The following KLHL20 variants were observed in gnomAD, a reference collection of about 807,000 sequenced individuals.
The protein encoded by KLHL20 is kelch-like protein 20.
A neutral mutation model predicts 69.5 loss-of-function variants in KLHL20; 29 were observed. The ratio of observed to expected loss-of-function variants is 0.42; its 90% CI spans 0.31 to 0.57. The LOEUF (loss-of-function observed/expected upper bound fraction) is 0.57. KLHL20 is among the 20% of genes least tolerant of loss of function. KLHL20 has a pLI of 0.18. For missense variants in KLHL20, 419 were observed against 776.0 expected (o/e 0.54, Z 5.47); for synonymous variants, 253 against 265.2 (o/e 0.95, Z 0.45).
intron 2 of KLHL20, among the ~76,000 whole-genome samples, chr1:173,728,863 G>T (rs920219889): frequency 6.6e-6 from 1 of 152,142 alleles, no homozygotes; most frequent in Non-Finnish European, 1.5e-5. Context: ...CAGAAGGCAA[G>T]AAATAACTAA....
In KLHL20 at chr1:173,728,968, G is replaced by C. The variant is rs902510450; in HGVS notation, c.24-4745G>C. Among the ~76,000 whole-genome samples the C allele has an allele frequency of 5.1e-4, 77 of 152,158 alleles. 2 individuals carry two copies. The highest frequency in any genetic ancestry group is 6.8e-3 in the Middle Eastern group (2 of 294). On this transcript the variant is annotated intron_variant, in intron 2 of 11. Transcript: ENST00000209884. The stretch of plus-strand genomic sequence containing the variant: ...GTTTTTTGAAAAGATCAACAAAATT[G>C]ATAGACCGCTAGCAAGACTAATAAA...
intron 3 of KLHL20, 119 bp downstream of exon 3, chr1:173,734,405 A>C (rs1466381269): frequency 1.2e-6 from 1 of 859,888 alleles, no homozygotes; most frequent in Non-Finnish European, 1.9e-6. Context: ...ATAGCAAATA[A>C]ATAAGTTATT....
At chr1:173,756,876 T>A in intron 6 of KLHL20, 100 bp from the exon 7 acceptor site, 2 of 1,061,180 alleles carry the variant, frequency 1.9e-6, no homozygotes, top group Non-Finnish European at 2.7e-6. Context: ...CTAGAGACAT[T>A]TGGTGAGTCT....
chr1:173,784,314 G>A (rs1649069748), intron 11 of KLHL20, among the ~76,000 whole-genome samples: 1 of 152,208 alleles, frequency 6.6e-6, no homozygotes, highest in Non-Finnish European at 1.5e-5. Context: ...GGTAATGGCA[G>A]CTTTGGGCCT....
intron 7 of KLHL20, among the ~76,000 whole-genome samples, chr1:173,764,748 G>T (rs1647571088): frequency 6.6e-6 from 1 of 151,884 alleles, no homozygotes; most frequent in Admixed American, 6.6e-5. Flanking sequence ...GGGGGTCAAG[G>T]GATAAAAGAC....
intron 10 of KLHL20, among the ~76,000 whole-genome samples, chr1:173,780,428 C>T (rs928015285): frequency 4.6e-5 from 7 of 152,154 alleles, no homozygotes; most frequent in African/African-American, 1.4e-4. Context: ...CTACCAAAGA[C>T]AGTCACATGT....
intron 2 of KLHL20, among the ~76,000 whole-genome samples, chr1:173,727,490 C>A (rs1467819254): frequency 6.6e-6 from 1 of 152,068 alleles, no homozygotes; most frequent in Non-Finnish European, 1.5e-5. Flanking sequence ...ATGTTAAGGG[C>A]AGCCAGAGAG....
At chr1:173,723,326 TC>T (rs546412202) in intron 2 of KLHL20, among the ~76,000 whole-genome samples, 132 of 152,370 alleles carry the variant, frequency 8.7e-4, no homozygotes, top group Non-Finnish European at 1.6e-3. Context: ...TAAAAATTAT[TC>T]TTTAACTGCT....
At position 173,732,542 on chromosome 1, in the gene KLHL20, A is replaced by G. The variant is rs761989664; in HGVS notation, c.24-1171A>G. On this transcript the variant is annotated intron_variant, in intron 2 of 11. Coordinates refer to ENST00000209884, the MANE Select transcript of KLHL20 (RefSeq NM_014458.4). ...AAATTTGTGTGTGTACATACACACA[A>G]TTGAACATGCTTAACTAAATGAAAT... is the stretch of plus-strand genomic sequence containing the variant. Among the ~76,000 whole-genome samples the G allele has an allele frequency of 2.6e-5, 4 of 152,310 alleles. No individual in the cohort carries two copies. The East Asian group carries it at 7.7e-4, about 29-fold the overall frequency.
At chr1:173,774,562 C>A in intron 9 of KLHL20, 124 bp downstream of exon 9, 1 of 1,070,212 alleles carries the variant, frequency 9.3e-7, no homozygotes, top group Non-Finnish European at 1.4e-6. Context: ...CCTGATTTTT[C>A]CCTCCAGCAG....
Position 173,734,284 on chromosome 1 carries a change from G to C in KLHL20, c.595G>C (p.Glu199Gln). The change falls in exon 3 of 12, where the codon GAG becomes CAG. Residue 199 changes from glutamate to glutamine, a missense_variant and splice_region_variant. Physicochemically the swap from Glu to Gln is conservative, Grantham distance 29. Around this residue, in one of 6 missense-constraint regions of KLHL20, gnomAD observed 99 missense variants for 240.7 expected, o/e 0.41. Coordinates refer to ENST00000209884, the MANE Select transcript of KLHL20 (RefSeq NM_014458.4). ...ADKFTQHNFQ[E>Q]VMESEEFMLL... is the part of the protein sequence containing the mutation. ...CAAGTTCACCCAACATAACTTTCAA[G>C]AGGTGAGTTGCACTTGGTGTTCCAA... 4 of 1,614,108 alleles carry C rather than the reference G, an allele frequency of 2.5e-6. No homozygotes were observed. Among genetic ancestry groups the C allele is most frequent in the Non-Finnish European group, 2.5e-6 (3 of 1,179,978 alleles).
chr1:173,751,072 C>T (rs1468335070), intron 3 of KLHL20, among the ~76,000 whole-genome samples: 1 of 152,134 alleles, frequency 6.6e-6, no homozygotes, highest in African/African-American at 2.4e-5. Flanking sequence ...GTAGGAGTGA[C>T]TGTTTCTTTC....
intron 2 of KLHL20, among the ~76,000 whole-genome samples, chr1:173,724,728 C>T (rs1217747126): frequency 6.6e-6 from 1 of 152,072 alleles, no homozygotes; most frequent in Non-Finnish European, 1.5e-5. Context: ...TCAGTTGAGC[C>T]TAGGAGGTCG....
chr1:173,732,388 C>G (rs1352293262), intron 2 of KLHL20, among the ~76,000 whole-genome samples: 1 of 152,104 alleles, frequency 6.6e-6, no homozygotes, highest in Admixed American at 6.5e-5. Context: ...GAGAGAGATT[C>G]TTTTCCTTCT....
intron 5 of KLHL20, among the ~76,000 whole-genome samples, chr1:173,754,584 C>CAAAAAAAAAAAAAAAAAAA (rs576521460): frequency 1.7e-5 from 1 of 60,594 alleles, no homozygotes; most frequent in African/African-American, 4.5e-5. Context: ...AACTCAGTCT[C>CAAAAAAAAAAAAAAAAAAA]AAAAAAAAAA....
At chr1:173,774,999 TG>T (rs1270410595) in intron 9 of KLHL20, among the ~76,000 whole-genome samples, 2 of 152,010 alleles carry the variant, frequency 1.3e-5, no homozygotes, top group African/African-American at 4.8e-5. Context: ...TTAGTAGAGA[TG>T]GGGTTTCGCT....
chr1:173,749,666 C>G (rs1020034675), intron 3 of KLHL20, among the ~76,000 whole-genome samples: 1 of 152,060 alleles, frequency 6.6e-6, no homozygotes, highest in Non-Finnish European at 1.5e-5. Context: ...TGTCATCTTG[C>G]GTTTCCATTA....
intron 10 of KLHL20, among the ~76,000 whole-genome samples, chr1:173,778,665 G>GA (rs1201460027): frequency 6.6e-6 from 1 of 152,066 alleles, no homozygotes; most frequent in Non-Finnish European, 1.5e-5. Flanking sequence ...GTCCGTTCAA[G>GA]TTTTAGATTT....
At chr1:173,758,410 C>T (rs922602367) in intron 7 of KLHL20, among the ~76,000 whole-genome samples, 1 of 152,156 alleles carries the variant, frequency 6.6e-6, no homozygotes, top group Non-Finnish European at 1.5e-5. Context: ...CCAGACCGGG[C>T]AACATGCGGA....
Sources: gnomAD v4.1 joint callset for allele counts (sites outside exome capture counted in the v4.1 genomes callset) on GRCh38, gnomAD v4.1.1 for gene constraint, gnomAD v4.1.1 regional missense constraint, MANE v1.5 for transcripts, NCBI Gene and HGNC (gene_info 2026-07-23, HGNC 2026-07-21) for gene names.